Variants in FHIT observed in about 807,000 individuals in gnomAD.
The protein encoded by FHIT is fragile histidine triad diadenosine triphosphatase.
FHIT carries 19 observed loss-of-function variants against 17.9 expected under a neutral mutation model. The observed-to-expected ratio is 1.06, with a 90% CI of 0.74 to 1.56. The LOEUF (loss-of-function observed/expected upper bound fraction) is 1.56, where lower values mean the gene tolerates loss of function less well. Ranked by LOEUF, FHIT falls within the 40% of genes most tolerant of loss-of-function variation. The pLI is 0.00. For missense variants in FHIT, 248 were observed against 189.2 expected, an observed-to-expected ratio of 1.31 and a Z score of -1.82; for synonymous variants, 81 against 69.7, an observed-to-expected ratio of 1.16 and a Z score of -0.81.
At chr3:59,922,857 G>A (rs968218066) in intron 7 of FHIT, among the ~76,000 whole-genome samples, 1 of 152,074 alleles carries the variant, frequency 6.6e-6, no homozygotes, top group Non-Finnish European at 1.5e-5. Context: ...TTGGGGCTTC[G>A]AAAAATAATC....
intron 1 of FHIT, among the ~76,000 whole-genome samples, chr3:61,212,895 C>T (rs1194880982): frequency 6.6e-6 from 1 of 152,164 alleles, no homozygotes; most frequent in Admixed American, 6.5e-5. Flanking sequence ...ATTTCATATC[C>T]AGCCAAACTA....
At chr3:61,139,152 C>T (rs1372599144) in intron 2 of FHIT, among the ~76,000 whole-genome samples, 1 of 151,802 alleles carries the variant, frequency 6.6e-6, no homozygotes, top group Non-Finnish European at 1.5e-5. Context: ...GCCTCAGCCT[C>T]CTGAGTAGCT....
chr3:59,950,234 G>C (rs1043923387), intron 7 of FHIT, among the ~76,000 whole-genome samples: 2 of 152,166 alleles, frequency 1.3e-5, no homozygotes, highest in African/African-American at 2.4e-5. Context: ...AATTGTCACT[G>C]CTGTGAGTTA....
intron 5 of FHIT, among the ~76,000 whole-genome samples, chr3:60,372,482 C>T (rs1035305187): frequency 9.2e-5 from 14 of 152,028 alleles, no homozygotes; most frequent in Middle Eastern, 3.2e-3. Flanking sequence ...TTGTATTTTC[C>T]GCTTATCTTC....
At chr3:60,502,814 CA>C (rs2034577033) in intron 5 of FHIT, among the ~76,000 whole-genome samples, 1 of 151,966 alleles carries the variant, frequency 6.6e-6, no homozygotes, top group South Asian at 2.1e-4. Context: ...AAGTATATAT[CA>C]AAAATGCTAT....
At chr3:60,335,425 T>C (rs996088760) in intron 5 of FHIT, among the ~76,000 whole-genome samples, 5 of 152,196 alleles carry the variant, frequency 3.3e-5, no homozygotes, top group African/African-American at 4.8e-5. Context: ...ACATAGCTGA[T>C]AAACTGAAGA....
chr3:60,248,410 A>G (rs1273258571), intron 5 of FHIT, among the ~76,000 whole-genome samples: 1 of 152,150 alleles, frequency 6.6e-6, no homozygotes, highest in Non-Finnish European at 1.5e-5. Flanking sequence ...ATTTAATTGT[A>G]TAATATTTCC....
intron 7 of FHIT, among the ~76,000 whole-genome samples, chr3:59,928,380 A>C (rs889669310): frequency 2.0e-5 from 3 of 152,190 alleles, no homozygotes; most frequent in Non-Finnish European, 4.4e-5. Context: ...AGTCCTTAAA[A>C]CTGGAAGAGG....
chr3:60,050,640 G>A (rs764437221), intron 5 of FHIT, among the ~76,000 whole-genome samples: 6 of 152,122 alleles, frequency 3.9e-5, no homozygotes, highest in East Asian at 1.9e-4. Context: ...CAGGATCCCC[G>A]AGTCTCACAG....
chr3:60,000,814 A>G (rs1010264362), intron 7 of FHIT, among the ~76,000 whole-genome samples: 3 of 152,284 alleles, frequency 2.0e-5, no homozygotes, highest in East Asian at 1.9e-4. Flanking sequence ...TTACCACAGC[A>G]TAAGTCCCAG....
At chr3:59,942,901 G>T (rs938704589) in intron 7 of FHIT, among the ~76,000 whole-genome samples, 2 of 151,680 alleles carry the variant, frequency 1.3e-5, no homozygotes, top group South Asian at 4.2e-4. Context: ...CTCCCACCTC[G>T]GCCTCCCAAA....
intron 5 of FHIT, among the ~76,000 whole-genome samples, chr3:60,489,053 G>C (rs2033958508): frequency 6.6e-6 from 1 of 152,140 alleles, no homozygotes; most frequent in Non-Finnish European, 1.5e-5. Flanking sequence ...ATTTCCAAGA[G>C]AGACCATGAG....
intron 4 of FHIT, among the ~76,000 whole-genome samples, chr3:60,586,067 A>G (rs1404099798): frequency 2.0e-5 from 3 of 152,022 alleles, no homozygotes; most frequent in Non-Finnish European, 4.4e-5. Flanking sequence ...ATGCTGGTTT[A>G]TAAGACACAG....
intron 5 of FHIT, among the ~76,000 whole-genome samples, chr3:60,410,004 C>G (rs891586939): frequency 6.6e-6 from 1 of 152,124 alleles, no homozygotes; most frequent in Non-Finnish European, 1.5e-5. Flanking sequence ...AACACCCTAA[C>G]AGATTTATTT....
intron 4 of FHIT, among the ~76,000 whole-genome samples, chr3:60,744,263 C>CAAAAAAAAAAAAAAAAAAAAAAA (rs1201886354): frequency 5.8e-4 from 50 of 85,952 alleles, no homozygotes; most frequent in East Asian, 8.3e-4. Flanking sequence ...AAAAACAAAA[C>CAAAAAAAAAAAAAAAAAAAAAAA]AAAACAAAAA....
At chr3:60,051,549 T>C (rs1446670993) in intron 5 of FHIT, among the ~76,000 whole-genome samples, 1 of 152,124 alleles carries the variant, frequency 6.6e-6, no homozygotes, top group Non-Finnish European at 1.5e-5. Context: ...ACTGGTGCCA[T>C]GCCACTTTAT....
intron 2 of FHIT, among the ~76,000 whole-genome samples, chr3:61,194,728 C>A (rs1176204257): frequency 6.6e-6 from 1 of 152,080 alleles, no homozygotes; most frequent in Non-Finnish European, 1.5e-5. Context: ...AATACAAAAG[C>A]ATTTTCAAGT....
At chr3:60,502,997 G>C (rs1197476868) in intron 5 of FHIT, among the ~76,000 whole-genome samples, 1 of 152,060 alleles carries the variant, frequency 6.6e-6, no homozygotes, top group Non-Finnish European at 1.5e-5. Context: ...TAAGAAAATT[G>C]GAATGCTTCT....
At chr3:60,035,399 G>A (rs1478672618) in intron 5 of FHIT, among the ~76,000 whole-genome samples, 1 of 152,160 alleles carries the variant, frequency 6.6e-6, no homozygotes, top group Non-Finnish European at 1.5e-5. Flanking sequence ...ACCATGCCCA[G>A]CTAATTTTTT....
Sources: gnomAD v4.1 joint callset for allele counts (sites outside exome capture counted in the v4.1 genomes callset) on GRCh38, gnomAD v4.1.1 for gene constraint, MANE v1.5 for transcripts, NCBI Gene and HGNC (gene_info 2026-07-23, HGNC 2026-07-21) for gene names.